PHYHIPL: variants seen among roughly 807,000 people sequenced by gnomAD.
The protein encoded by PHYHIPL is phytanoyl-CoA hydroxylase-interacting protein-like.
Under a neutral mutation model 33.4 loss-of-function variants are expected in PHYHIPL, and 9 were observed. The observed-to-expected ratio is 0.27, with a 90% CI of 0.16 to 0.47. PHYHIPL has a LOEUF of 0.47. PHYHIPL is among the 20% of genes least tolerant of loss of function. The probability of loss-of-function intolerance (pLI) is 0.99; values close to 1 mark genes in which losing one functional copy is unlikely to be tolerated. For missense variants in PHYHIPL, 365 were observed against 460.7 expected, an observed-to-expected ratio of 0.79 and a Z score of 1.90; for synonymous variants, 153 against 154.1, an observed-to-expected ratio of 0.99 and a Z score of 0.05.
In PHYHIPL at chr10:59,238,595, A is replaced by G. The variant is rs769830481; in HGVS notation, c.486A>G (p.Ser162=). 5 of 1,603,362 alleles carry G rather than the reference A, an allele frequency of 3.1e-6. No individual in the cohort carries two copies. In the East Asian group the frequency reaches 1.1e-4, roughly 36 times the overall value. Residue 162 remains serine, a synonymous_variant, in exon 4 of 5, where the codon TCA becomes TCG. Transcript: ENST00000373880. ...EIIEFCTADY[S]KVHLTQLLEK... ...TTTTTGGGTTTTTTCCAGACTATTCAAAAGTTCATCTAACACAATTGTTGG... is the reference window on the plus strand; with the variant it reads ...TTTTTGGGTTTTTTCCAGACTATTCGAAAGTTCATCTAACACAATTGTTGG...
At position 59,211,453 on chromosome 10, in the gene PHYHIPL, T is replaced by C. The variant is rs867366300; in HGVS notation, c.107-22851T>C. Among the ~76,000 whole-genome samples, 5 of 152,136 alleles carry C rather than the reference T, an allele frequency of 3.3e-5. 1 individual carries two copies. The South Asian group carries it at 1.0e-3, about 32-fold the overall frequency. ...GTACAATGGCATGATCTCGGCTCAC[T>C]GCATCCTCTGCCTCCCAGTTTCAAG... On this transcript the variant is annotated intron_variant, in intron 1 of 4. Transcript: ENST00000373880.
chr10:59,243,374 T>A (rs920265398), intron 4 of PHYHIPL, among the ~76,000 whole-genome samples: 20 of 152,138 alleles, frequency 1.3e-4, no homozygotes, highest in African/African-American at 4.6e-4. Flanking sequence ...ACAGCATATC[T>A]ATCCTAAAGG....
chr10:59,227,975 G>GATAGATATATATATATATATAT (rs1554799095), intron 1 of PHYHIPL, among the ~76,000 whole-genome samples: 157 of 145,558 alleles, frequency 1.1e-3, no homozygotes, highest in African/African-American at 3.9e-3. Context: ...TGCCTATTGA[G>GATAGATATATATATATATATAT]ATATATATAT....
At chr10:59,190,313 A>G (rs1001639604) in intron 1 of PHYHIPL, among the ~76,000 whole-genome samples, 3 of 151,946 alleles carry the variant, frequency 2.0e-5, no homozygotes, top group Non-Finnish European at 4.4e-5. Context: ...CCTTTTCAGG[A>G]TATTCTTCAA....
Position 59,229,465 on chromosome 10 carries a change from G to A in PHYHIPL, c.107-4839G>A, listed in dbSNP as rs58241475. 6.7e-3 allele frequency among the ~76,000 whole-genome samples: 1,019 copies of A among 152,042 alleles called. 20 individuals carry two copies. The highest frequency in any genetic ancestry group is 0.021 in the African/African-American group (860 of 41,462). ...GACTTTTTAATTCTTGAGAGAGAAG[G>A]GGAAGAAAAGAAAAAATATGGAAGT... On this transcript the variant is annotated intron_variant, in intron 1 of 4. Transcript: ENST00000373880.
At chr10:59,215,365 T>C (rs1314956564) in intron 1 of PHYHIPL, among the ~76,000 whole-genome samples, 1 of 152,062 alleles carries the variant, frequency 6.6e-6, no homozygotes, top group Non-Finnish European at 1.5e-5. Context: ...ATTATGAGAC[T>C]TTATGAATCA....
At chr10:59,192,570 C>G (rs1161084475) in intron 1 of PHYHIPL, among the ~76,000 whole-genome samples, 1 of 151,998 alleles carries the variant, frequency 6.6e-6, no homozygotes, top group Non-Finnish European at 1.5e-5. Context: ...GTTCTGACAT[C>G]CATTGGATGA....
intron 1 of PHYHIPL, among the ~76,000 whole-genome samples, chr10:59,231,944 GA>G (rs1840093440): frequency 6.6e-6 from 1 of 152,012 alleles, no homozygotes; most frequent in African/African-American, 2.4e-5. Flanking sequence ...ACCTTGGGGG[GA>G]AAAGTTCTAT....
intron 1 of PHYHIPL, among the ~76,000 whole-genome samples, chr10:59,183,092 T>A (rs990027845): frequency 3.3e-5 from 5 of 152,142 alleles, no homozygotes; most frequent in African/African-American, 9.7e-5. Context: ...GTCATTATTG[T>A]TTCAGTGTGT....
At chr10:59,178,952 G>T (rs950896920) in intron 1 of PHYHIPL, among the ~76,000 whole-genome samples, 2 of 152,050 alleles carry the variant, frequency 1.3e-5, no homozygotes, top group Non-Finnish European at 1.5e-5. Context: ...AATTTACATA[G>T]ACTAATTAAA....
At position 59,236,572 on chromosome 10, in the gene PHYHIPL, A is replaced by C; in HGVS notation, c.393A>C (p.Thr131=). 3 of 1,611,258 alleles carry C rather than the reference A, an allele frequency of 1.9e-6. No homozygotes were observed. The highest frequency in any genetic ancestry group is 1.3e-5 in the African/African-American group (1 of 74,840). ...HWFLSPRTEY[T]VAVQTASKQV... is the part of the protein sequence containing the mutation. ...TTTTAAGCCCAAGAACTGAATATAC[A>C]GTAGCAGTGCAGACTGCCTCAAAAC... is the stretch of plus-strand genomic sequence containing the variant. The change falls in exon 3 of 5, where the codon ACA becomes ACC. Residue 131 remains threonine, a synonymous_variant. Transcript: ENST00000373880.
In PHYHIPL at chr10:59,245,037, C is replaced by T. The variant is rs778198974; in HGVS notation, c.597-20C>T. 3.2e-6 allele frequency: 5 copies of T among 1,585,568 alleles called. No homozygotes were observed. The South Asian group carries it at 4.7e-5, about 15-fold the overall frequency. On this transcript the variant is annotated intron_variant, in intron 4 of 4. Coordinates refer to ENST00000373880, the MANE Select transcript of PHYHIPL (RefSeq NM_032439.4). The stretch of plus-strand genomic sequence containing the variant: ...TTACCACTATTGTATTAAGCAGTGA[C>T]CACTTGTTTTCTCTTGCAGAGAACA...
chr10:59,247,578 A>G lies in PHYHIPL; in HGVS notation c.*1987A>G. The G allele has an allele frequency of 6.2e-7, 1 of 1,611,926 alleles. No individual in the cohort carries two copies. The highest frequency in any genetic ancestry group is 2.2e-5 in the East Asian group (1 of 44,768). ...CAGAGGAAAATAAACTTTACTTTAT[A>G]TCATGGGTGAAAGTGATCATAACAT... On this transcript the variant is annotated 3_prime_UTR_variant, in exon 5 of 5. Coordinates refer to ENST00000373880, the MANE Select transcript of PHYHIPL (RefSeq NM_032439.4).
chr10:59,196,457 C>T (rs1838921272), intron 1 of PHYHIPL, among the ~76,000 whole-genome samples: 1 of 148,506 alleles, frequency 6.7e-6, no homozygotes, highest in Non-Finnish European at 1.5e-5. Context: ...CTCTGTTGCC[C>T]AGGCTGGAGT....
intron 1 of PHYHIPL, among the ~76,000 whole-genome samples, chr10:59,209,205 G>T (rs559630798): frequency 6.6e-6 from 1 of 152,242 alleles, no homozygotes; most frequent in Non-Finnish European, 1.5e-5. Flanking sequence ...ACAAAGGGAA[G>T]CCCATCAGAC....
chr10:59,207,540 C>G (rs1006602529), intron 1 of PHYHIPL, among the ~76,000 whole-genome samples: 3 of 152,184 alleles, frequency 2.0e-5, no homozygotes, highest in African/African-American at 7.2e-5. Flanking sequence ...TCAGCAAAGT[C>G]GCTGTAGCCA....
At chr10:59,219,504 G>A (rs946327883) in intron 1 of PHYHIPL, among the ~76,000 whole-genome samples, 18 of 152,110 alleles carry the variant, frequency 1.2e-4, no homozygotes, top group Admixed American at 2.6e-4. Context: ...AATAGCTTTT[G>A]TAAGTCACAA....
At position 59,228,362 on chromosome 10, in the gene PHYHIPL, T is replaced by C. The variant is rs932860992; in HGVS notation, c.107-5942T>C. Among the ~76,000 whole-genome samples, 7 of 152,164 alleles carry C rather than the reference T, an allele frequency of 4.6e-5. No individual in the cohort carries two copies. The East Asian group carries it at 1.3e-3, about 29-fold the overall frequency. On this transcript the variant is annotated intron_variant, in intron 1 of 4. Transcript: ENST00000373880. ...TTTTTTCCTAAAAGTTCCAACAATG[T>C]TCAATGTTACCACTAAGAGTATTTT...
intron 1 of PHYHIPL, among the ~76,000 whole-genome samples, chr10:59,212,294 A>G (rs964129786): frequency 7.2e-5 from 11 of 152,236 alleles, no homozygotes; most frequent in Non-Finnish European, 1.5e-4. Context: ...GTTATAAGCA[A>G]CAGAAAACAG....
Sources: allele counts gnomAD v4.1 joint callset (sites outside exome capture counted in the v4.1 genomes callset), GRCh38; gene constraint gnomAD v4.1.1; transcripts MANE v1.5; gene names NCBI Gene and HGNC (gene_info 2026-07-23, HGNC 2026-07-21).